DSCAM: variants seen among roughly 807,000 people sequenced by gnomAD.
The protein encoded by DSCAM is DS cell adhesion molecule.
A neutral mutation model predicts 217.7 loss-of-function variants in DSCAM; 47 were observed. The ratio of observed to expected loss-of-function variants is 0.22; its 90% confidence interval spans 0.17 to 0.28. DSCAM has a LOEUF of 0.28. Among genes scored for constraint, DSCAM ranks in the 10% least tolerant of loss-of-function variants. The pLI is 1.00. For missense variants in DSCAM, 2,080 were observed against 2,618.3 expected, an observed-to-expected ratio of 0.79 and a Z score of 4.49; for synonymous variants, 1,056 against 1,015.3, an observed-to-expected ratio of 1.04 and a Z score of -0.76.
chr21:40,841,858 G>A (rs35298822), intron 1 of DSCAM, among the ~76,000 whole-genome samples: 6 of 152,206 alleles, frequency 3.9e-5, no homozygotes, highest in Non-Finnish European at 8.8e-5. Context: ...GCACCTTCTA[G>A]GTTTCTAGAT....
intron 20 of DSCAM, among the ~76,000 whole-genome samples, chr21:40,123,614 A>C (rs1027834180): frequency 6.6e-6 from 1 of 152,214 alleles, no homozygotes; most frequent in African/African-American, 2.4e-5. Context: ...TTGAAATAGT[A>C]AATAACTTTT....
chr21:40,492,517 T>C (rs2076083998), intron 3 of DSCAM, among the ~76,000 whole-genome samples: 1 of 151,962 alleles, frequency 6.6e-6, no homozygotes, highest in African/African-American at 2.4e-5. Flanking sequence ...AAATGATCAA[T>C]ATTAGAAATT....
chr21:40,057,795 G>A (rs1020726000), intron 28 of DSCAM, among the ~76,000 whole-genome samples: 2 of 151,186 alleles, frequency 1.3e-5, no homozygotes, highest in African/African-American at 4.9e-5. Context: ...AGATTCAGAA[G>A]CTAATTGTTT....
intron 2 of DSCAM, among the ~76,000 whole-genome samples, chr21:40,702,689 C>T (rs2090670244): frequency 6.6e-6 from 1 of 151,406 alleles, no homozygotes; most frequent in Non-Finnish European, 1.5e-5. Flanking sequence ...TACCGTGTTT[C>T]CTTTTTCTTA....
chr21:40,325,030 G>GT (rs144461900), intron 8 of DSCAM, among the ~76,000 whole-genome samples: 3,844 of 152,156 alleles, frequency 0.025, 183 homozygotes, highest in East Asian at 0.23. Context: ...TTTCCAATTA[G>GT]TTTTTTTACA....
At chr21:40,249,795 T>C (rs1343974151) in intron 11 of DSCAM, among the ~76,000 whole-genome samples, 1 of 152,080 alleles carries the variant, frequency 6.6e-6, no homozygotes, top group Non-Finnish European at 1.5e-5. Context: ...ATGCAGGGGT[T>C]CCTTGCAGCC....
At chr21:40,836,195 C>T (rs73903031) in intron 1 of DSCAM, among the ~76,000 whole-genome samples, 24,787 of 152,136 alleles carry the variant, frequency 0.16, 2,230 homozygotes, top group Admixed American at 0.28. Flanking sequence ...GATCTCTTGC[C>T]TGGAGCTTCA....
chr21:40,714,295 G>T (rs2090816124), intron 1 of DSCAM, among the ~76,000 whole-genome samples: 1 of 152,098 alleles, frequency 6.6e-6, no homozygotes, highest in East Asian at 1.9e-4. Flanking sequence ...CAGAACTGTA[G>T]AGCTACCAGC....
chr21:40,547,344 A>G (rs1377933950), intron 3 of DSCAM, among the ~76,000 whole-genome samples: 6 of 152,290 alleles, frequency 3.9e-5, no homozygotes, highest in African/African-American at 1.4e-4. Flanking sequence ...TAATCAAATC[A>G]GCCCAGAAGC....
chr21:40,636,396 G>GAAAT, intron 3 of DSCAM, among the ~76,000 whole-genome samples: 2 of 152,110 alleles, frequency 1.3e-5, no homozygotes, highest in Non-Finnish European at 2.9e-5. Context: ...GAGAAAGAAA[G>GAAAT]AGAGGGAAGA....
intron 18 of DSCAM, among the ~76,000 whole-genome samples, chr21:40,141,901 T>C (rs530180615): frequency 6.6e-6 from 1 of 150,390 alleles, no homozygotes; most frequent in Non-Finnish European, 1.5e-5. Context: ...CCCAATCTTA[T>C]GTCCACTTGA....
intron 8 of DSCAM, among the ~76,000 whole-genome samples, chr21:40,313,432 T>A (rs1448188921): frequency 6.6e-6 from 1 of 152,242 alleles, no homozygotes; most frequent in East Asian, 1.9e-4. Context: ...TGCTGAGTGA[T>A]GCCTGTTTTG....
In DSCAM at chr21:40,518,543, TACACACACATATACAC is replaced by T. The variant is rs1258718635; in HGVS notation, c.509-149314_509-149299del. The stretch of plus-strand genomic sequence containing the variant: ...AATATATATTTTATATATATATATG[TACACACACATATACAC>T]ACACACATATATACATACACACACA... On this transcript the variant is annotated intron_variant, in intron 3 of 32. Coordinates refer to ENST00000400454, the MANE Select transcript of DSCAM (RefSeq NM_001389.5). Among the ~76,000 whole-genome samples, 9 of 71,796 alleles carry T rather than the reference TACACACACATATACAC, an allele frequency of 1.3e-4. 1 individual carries two copies. Among genetic ancestry groups the T allele is most frequent in the Non-Finnish European group, 1.6e-4 (7 of 43,064 alleles). 47.1% of individuals were successfully genotyped at this position (71,796 alleles called of 152,430 possible).
intron 3 of DSCAM, among the ~76,000 whole-genome samples, chr21:40,510,791 G>T (rs1309143686): frequency 2.6e-5 from 4 of 152,154 alleles, no homozygotes; most frequent in Non-Finnish European, 5.9e-5. Context: ...GTGTCTGTAA[G>T]TTACATAGTA....
Position 40,167,424 on chromosome 21 carries a change from G to A in DSCAM, c.2948-136C>T, listed in dbSNP as rs1241286283. 8 of 687,432 alleles carry A rather than the reference G, an allele frequency of 1.2e-5. No individual in the cohort carries two copies. In the East Asian group the frequency reaches 2.1e-4, roughly 18 times the overall value. 42.6% of individuals were successfully genotyped at this position (687,432 alleles called of 1,614,324 possible). A position where few individuals can be genotyped will look rare whatever the true frequency, so the allele number is the denominator to read the frequency against. On this transcript the variant is annotated intron_variant, in intron 15 of 32. Coordinates refer to ENST00000400454, the MANE Select transcript of DSCAM (RefSeq NM_001389.5). ...GAGAAAGAAGTTTTTAGCGGTCATGGGAAATGTCAATTTTGTAGAATTACT... is the reference window on the plus strand; with the variant it reads ...GAGAAAGAAGTTTTTAGCGGTCATGAGAAATGTCAATTTTGTAGAATTACT...
chr21:40,514,733 A>C (rs902954220), intron 3 of DSCAM, among the ~76,000 whole-genome samples: 1 of 152,186 alleles, frequency 6.6e-6, no homozygotes, highest in Admixed American at 6.5e-5. Flanking sequence ...TCGCTCTTAT[A>C]CTAGTAAATG....
chr21:40,189,010 A>C, intron 12 of DSCAM, 32 bp downstream of exon 12: 1 of 1,601,220 alleles, frequency 6.2e-7, no homozygotes, highest in Non-Finnish European at 8.6e-7. Context: ...AATAAAGTTC[A>C]TTCCATTGTG....
Position 40,785,352 on chromosome 21 carries a change from C to G in DSCAM, c.43+61267G>C, listed in dbSNP as rs2091583085. On this transcript the variant is annotated intron_variant, in intron 1 of 32. Transcript: ENST00000400454. ...GAAATTATTCAATCCATCCTTGTAC[C>G]CTTCCTTGAGCTCACTGTGGAATTA... 2.0e-5 allele frequency among the ~76,000 whole-genome samples: 3 copies of G among 152,152 alleles called. 1 individual carries two copies. Among genetic ancestry groups the G allele is most frequent in the Admixed American group, 2.0e-4 (3 of 15,276 alleles).
chr21:40,806,674 G>C (rs915453773), intron 1 of DSCAM, among the ~76,000 whole-genome samples: 3 of 152,048 alleles, frequency 2.0e-5, no homozygotes, highest in Non-Finnish European at 4.4e-5. Context: ...TGTTTATTGC[G>C]GCACTGTTCA....
Sources: allele counts gnomAD v4.1 joint callset (sites outside exome capture counted in the v4.1 genomes callset), GRCh38; gene constraint gnomAD v4.1.1; transcripts MANE v1.5; gene names NCBI Gene and HGNC (gene_info 2026-07-23, HGNC 2026-07-21).